PRDM11: variants seen among roughly 807,000 people sequenced by gnomAD.
PRDM11 encodes the protein PR domain-containing protein 11.
A neutral mutation model predicts 97.8 loss-of-function variants in PRDM11; 20 were observed. The observed-to-expected ratio is 0.20, with a 90% CI of 0.14 to 0.30. The LOEUF (loss-of-function observed/expected upper bound fraction) is 0.30, where lower values mean the gene tolerates loss of function less well. Ranked by LOEUF, PRDM11 falls within the 10% of genes least tolerant of loss-of-function variation. The pLI is 1.00. For missense variants in PRDM11, 1,139 were observed against 1,555.2 expected, an observed-to-expected ratio of 0.73 and a Z score of 4.50; for synonymous variants, 599 against 637.7, an observed-to-expected ratio of 0.94 and a Z score of 0.91.
intron 1 of PRDM11, among the ~76,000 whole-genome samples, chr11:45,180,392 G>A (rs930641740): frequency 6.6e-6 from 1 of 152,126 alleles, no homozygotes; most frequent in African/African-American, 2.4e-5. Context: ...CCACACCAAG[G>A]CAGCTCGGAG....
intron 1 of PRDM11, among the ~76,000 whole-genome samples, chr11:45,103,543 A>T (rs1312796400): frequency 6.6e-6 from 1 of 152,078 alleles, no homozygotes; most frequent in Non-Finnish European, 1.5e-5. Context: ...TAAAACCAGG[A>T]AAAATAACCC....
chr11:45,107,668 G>T (rs994107483), intron 1 of PRDM11, among the ~76,000 whole-genome samples: 1 of 152,128 alleles, frequency 6.6e-6, no homozygotes, highest in African/African-American at 2.4e-5. Context: ...AGCCTGTCAG[G>T]TTTGCTGACT....
intron 5 of PRDM11, among the ~76,000 whole-genome samples, chr11:45,208,105 A>G (rs983271813): frequency 5.3e-5 from 8 of 152,194 alleles, no homozygotes; most frequent in African/African-American, 1.9e-4. Context: ...GGTGTCCACC[A>G]AAGTGGAACT....
rs1261871351 is a variant in PRDM11, at chr11:45,139,804, T to C, written c.97-41957T>C. Among the ~76,000 whole-genome samples, 5 of 152,296 alleles carry C rather than the reference T, an allele frequency of 3.3e-5. No homozygotes were observed. In the East Asian group the frequency reaches 7.7e-4, roughly 24 times the overall value. On this transcript the variant is annotated intron_variant, in intron 1 of 6. Coordinates refer to the PRDM11 transcript ENST00000530656. ...TCCTTGGGATACTCTGAGCTTCACA[T>C]AGGAAGGGACTGTAGGTGTCTCACT...
chr11:45,213,340 G>A (rs1265085195), intron 5 of PRDM11: 2 of 455,062 alleles, frequency 4.4e-6, no homozygotes, highest in South Asian at 1.6e-5. Context: ...AGGCCTTGCA[G>A]GGAGGGGGGC....
chr11:45,160,186 C>T (rs1287468777), intron 1 of PRDM11, among the ~76,000 whole-genome samples: 1 of 152,156 alleles, frequency 6.6e-6, no homozygotes, highest in Non-Finnish European at 1.5e-5. Flanking sequence ...GTTTAAATTT[C>T]CTCTAATTCC....
At chr11:45,098,588 T>C (rs1444109003) in intron 1 of PRDM11, among the ~76,000 whole-genome samples, 1 of 152,204 alleles carries the variant, frequency 6.6e-6, no homozygotes, top group Non-Finnish European at 1.5e-5. Context: ...AGCTGGGATT[T>C]GCATCCATGT....
At chr11:45,157,610 T>C (rs1318661668) in intron 1 of PRDM11, among the ~76,000 whole-genome samples, 2 of 152,168 alleles carry the variant, frequency 1.3e-5, no homozygotes, top group African/African-American at 4.8e-5. Flanking sequence ...TGTTCCTCGA[T>C]TGTGTCTTGT....
At position 45,220,634 on chromosome 11, in the gene PRDM11, T is replaced by C. The variant is rs1854094039; in HGVS notation, c.742+877T>C. ...AGTTCTGACCTGCAATGTTACCTGA[T>C]GTCCCAGACAAAACCAGTCCCCTCC... On this transcript the variant is annotated intron_variant, in intron 6 of 7. Coordinates refer to ENST00000683152, the MANE Select transcript of PRDM11 (RefSeq NM_001384648.1). Among the ~76,000 whole-genome samples the C allele has an allele frequency of 2.0e-5, 3 of 152,182 alleles. No individual in the cohort carries two copies. The South Asian group carries it at 6.2e-4, about 31-fold the overall frequency.
At chr11:45,210,649 T>C (rs1406753722) in intron 5 of PRDM11, among the ~76,000 whole-genome samples, 1 of 152,236 alleles carries the variant, frequency 6.6e-6, no homozygotes. Context: ...ATCCACTTGC[T>C]TCCTGTTTGG....
rs567300912 is a variant in PRDM11, at chr11:45,150,607, G to A, written c.-7+3730G>A. On this transcript the variant is annotated intron_variant, in intron 1 of 7. Coordinates refer to ENST00000683152, the MANE Select transcript of PRDM11 (RefSeq NM_001384648.1). ...CTGGCTTGTAGAGTACAGATGGTAC[G>A]TTCCCCATCCTTACTGGTGTCCATG... is the stretch of plus-strand genomic sequence containing the variant. Among the ~76,000 whole-genome samples the A allele has an allele frequency of 8.5e-5, 13 of 152,288 alleles. No individual in the cohort carries two copies. In the East Asian group the frequency reaches 1.9e-3, roughly 23 times the overall value.
chr11:45,157,550 G>A (rs1851829779), intron 1 of PRDM11, among the ~76,000 whole-genome samples: 1 of 152,204 alleles, frequency 6.6e-6, no homozygotes, highest in Non-Finnish European at 1.5e-5. Context: ...GAGGACCAAA[G>A]AGGCCATCCA....
At chr11:45,192,950 G>C (rs930347855) in intron 4 of PRDM11, among the ~76,000 whole-genome samples, 1 of 152,164 alleles carries the variant, frequency 6.6e-6, no homozygotes, top group Non-Finnish European at 1.5e-5. Flanking sequence ...GGCGAATATC[G>C]TAGTGACTAC....
chr11:45,159,972 G>A (rs1016973970), intron 1 of PRDM11, among the ~76,000 whole-genome samples: 2 of 152,314 alleles, frequency 1.3e-5, no homozygotes, highest in Non-Finnish European at 1.5e-5. Context: ...TGGCTTGTGC[G>A]CCTCTGACTG....
chr11:45,225,600 G>A (rs987710997), intron 7 of PRDM11, among the ~76,000 whole-genome samples: 2 of 152,180 alleles, frequency 1.3e-5, no homozygotes, highest in Non-Finnish European at 2.9e-5. Context: ...CATTAATGAA[G>A]GGCAAATGAA....
chr11:45,182,889 G>A lies in PRDM11; in HGVS notation c.252G>A (p.Val84=), dbSNP rs1185265356. ...WFCESCQEYF[V]DECPNHGPPV... is the part of the protein sequence containing the mutation. ...GTGAGTCCTGCCAGGAGTACTTCGT[G>A]GATGAATGCCCAAACCATGGCCCCC... The change falls in exon 4 of 8, where the codon GTG becomes GTA. Residue 84 remains valine (V), a synonymous_variant. Coordinates refer to ENST00000683152, the MANE Select transcript of PRDM11 (RefSeq NM_001384648.1). 3 of 1,605,434 alleles carry A rather than the reference G, an allele frequency of 1.9e-6. No individual in the cohort carries two copies. The highest frequency in any genetic ancestry group is 3.4e-5 in the Admixed American group (2 of 59,424).
chr11:45,163,395 C>T (rs1452905669), intron 1 of PRDM11, among the ~76,000 whole-genome samples: 4 of 152,228 alleles, frequency 2.6e-5, no homozygotes, highest in Non-Finnish European at 4.4e-5. Context: ...GAGCGGGATT[C>T]CAGTGTGCCT....
chr11:45,180,675 G>GGGGCGGGCGCTGGGCAGGGCC (rs1334469215), intron 1 of PRDM11, among the ~76,000 whole-genome samples: 2 of 150,314 alleles, frequency 1.3e-5, no homozygotes, highest in Non-Finnish European at 3.0e-5. Flanking sequence ...TGGCGGGCGG[G>GGGGCGGGCGCTGGGCAGGGCC]GGGCGGGCGC....
intron 2 of PRDM11, 145 bp downstream of exon 2, chr11:45,182,030 A>G: frequency 6.0e-6 from 5 of 826,574 alleles, no homozygotes; most frequent in South Asian, 1.8e-5. Context: ...CGCAGGCTCT[A>G]GAAAAATCCA....
Sources: gnomAD v4.1 joint callset for allele counts (sites outside exome capture counted in the v4.1 genomes callset) on GRCh38, gnomAD v4.1.1 for gene constraint, MANE v1.5 for transcripts, NCBI Gene and HGNC (gene_info 2026-07-23, HGNC 2026-07-21) for gene names.